NLGN1: variants seen among roughly 807,000 people sequenced by gnomAD.
NLGN1 encodes the protein neuroligin-1.
NLGN1 carries 12 observed loss-of-function variants against 65.5 expected under a neutral mutation model. That is an observed-to-expected ratio of 0.18 (90% CI 0.12 to 0.30). NLGN1 has a LOEUF of 0.30. Ranked by LOEUF, NLGN1 falls within the 10% of genes least tolerant of loss-of-function variation. NLGN1 has a pLI of 1.00. For synonymous variants in NLGN1, 350 were observed against 359.5 expected, an observed-to-expected ratio of 0.97 and a Z score of 0.30; for missense variants, 750 against 1,007.1, an observed-to-expected ratio of 0.74 and a Z score of 3.46.
At chr3:174,174,750 A>C (rs1055732133) in intron 4 of NLGN1, among the ~76,000 whole-genome samples, 4 of 151,372 alleles carry the variant, frequency 2.6e-5, no homozygotes, top group African/African-American at 4.9e-5. Context: ...GGTTATTTAA[A>C]GTTTTCTCTT....
intron 2 of NLGN1, among the ~76,000 whole-genome samples, chr3:173,481,996 C>A (rs903591490): frequency 6.6e-6 from 1 of 151,734 alleles, no homozygotes; most frequent in Admixed American, 6.6e-5. Flanking sequence ...TTGCTGAGGT[C>A]TTTTATCATT....
intron 2 of NLGN1, among the ~76,000 whole-genome samples, chr3:173,459,690 A>G (rs1438871441): frequency 6.6e-6 from 1 of 152,130 alleles, no homozygotes; most frequent in Non-Finnish European, 1.5e-5. Context: ...GCAAAATAAA[A>G]CTATTGCCAT....
intron 3 of NLGN1, among the ~76,000 whole-genome samples, chr3:173,607,070 A>G (rs1044800964): frequency 6.6e-6 from 1 of 151,998 alleles, no homozygotes; most frequent in Non-Finnish European, 1.5e-5. Flanking sequence ...AAAAACATGT[A>G]TGATGAAGAA....
intron 1 of NLGN1, among the ~76,000 whole-genome samples, chr3:173,401,800 A>T (rs1180876699): frequency 6.6e-6 from 1 of 152,224 alleles, no homozygotes; most frequent in African/African-American, 2.4e-5. Context: ...AAGGAGAAAG[A>T]GTAAACACAA....
At chr3:173,422,917 C>T (rs1715371101) in intron 1 of NLGN1, among the ~76,000 whole-genome samples, 1 of 152,176 alleles carries the variant, frequency 6.6e-6, no homozygotes, top group Admixed American at 6.5e-5. Flanking sequence ...CATTCTCACA[C>T]TGCTATAAAG....
At chr3:173,732,292 A>AC (rs1207330007) in intron 3 of NLGN1, among the ~76,000 whole-genome samples, 2 of 152,162 alleles carry the variant, frequency 1.3e-5, no homozygotes, top group African/African-American at 4.8e-5. Context: ...TGTGAGGCTT[A>AC]CATTGAAAAG....
chr3:174,143,633 G>C (rs1033719676), intron 4 of NLGN1, among the ~76,000 whole-genome samples: 10 of 151,922 alleles, frequency 6.6e-5, no homozygotes, highest in African/African-American at 2.2e-4. Flanking sequence ...GAGATTTGGT[G>C]GGGGGGTATA....
At chr3:173,755,575 G>A (rs1459566051) in intron 3 of NLGN1, among the ~76,000 whole-genome samples, 2 of 152,138 alleles carry the variant, frequency 1.3e-5, no homozygotes, top group Non-Finnish European at 2.9e-5. Context: ...CACTAGGGCT[G>A]CCTTTGGAGA....
chr3:173,727,779 T>A (rs1772047869), intron 3 of NLGN1, among the ~76,000 whole-genome samples: 1 of 152,094 alleles, frequency 6.6e-6, no homozygotes, highest in South Asian at 2.1e-4. Context: ...ACTTTTGAAA[T>A]GAAGGCAGAA....
At chr3:173,928,599 G>A (rs1313979747) in intron 4 of NLGN1, among the ~76,000 whole-genome samples, 17 of 151,762 alleles carry the variant, frequency 1.1e-4, no homozygotes, top group Non-Finnish European at 2.5e-4. Context: ...TTTGTATTTG[G>A]TATGAGGTCT....
rs181028538 is a variant in NLGN1 at position 173,683,559 on chromosome 3, C to A, written c.493+78468C>A. On this transcript the variant is annotated intron_variant, in intron 3 of 6. Transcript: ENST00000457714. The stretch of plus-strand genomic sequence containing the variant: ...AGTAACTCAAAATATGGTTTTTTTA[C>A]CCTCTTTCTCTCATTCCCTATTCCC... Among the ~76,000 whole-genome samples the A allele has an allele frequency of 3.3e-3, 504 of 152,172 alleles. 3 individuals carry two copies. The highest frequency in any genetic ancestry group is 0.01 in the Middle Eastern group (3 of 294).
At chr3:174,159,053 C>T (rs1245267994) in intron 4 of NLGN1, among the ~76,000 whole-genome samples, 1 of 151,678 alleles carries the variant, frequency 6.6e-6, no homozygotes, top group Non-Finnish European at 1.5e-5. Context: ...GAATTCTTTA[C>T]TGAGTAACTC....
At chr3:173,896,891 C>T (rs1736444097) in intron 4 of NLGN1, among the ~76,000 whole-genome samples, 3 of 152,150 alleles carry the variant, frequency 2.0e-5, no homozygotes, top group Admixed American at 2.0e-4. Flanking sequence ...CCTTGCCACA[C>T]TCATTGTTCC....
intron 4 of NLGN1, among the ~76,000 whole-genome samples, chr3:174,251,553 A>C (rs1223196295): frequency 6.6e-6 from 1 of 152,162 alleles, no homozygotes; most frequent in Non-Finnish European, 1.5e-5. Context: ...CTTTCCTCTT[A>C]GATAAGCTTG....
chr3:173,508,227 T>C (rs542626966), intron 2 of NLGN1, among the ~76,000 whole-genome samples: 3 of 152,332 alleles, frequency 2.0e-5, no homozygotes, highest in Non-Finnish European at 4.4e-5. Context: ...ATGTTAGTGT[T>C]ATGATTAGCA....
In NLGN1 at chr3:173,487,634, C is replaced by G. The variant is rs531717104; in HGVS notation, c.-321+52556C>G. On this transcript the variant is annotated intron_variant, in intron 2 of 6. Transcript: ENST00000457714. ...TTCAAGTTATTTATGTATTTTGCAACAATATTGTTAAGGAAATACAGGTGA... is the reference window on the plus strand; with the variant it reads ...TTCAAGTTATTTATGTATTTTGCAAGAATATTGTTAAGGAAATACAGGTGA... 1.3e-3 allele frequency among the ~76,000 whole-genome samples: 192 copies of G among 151,998 alleles called. 1 individual carries two copies. Among genetic ancestry groups the G allele is most frequent in the African/African-American group, 4.4e-3 (184 of 41,510 alleles).
intron 4 of NLGN1, among the ~76,000 whole-genome samples, chr3:173,918,476 T>A (rs1741193177): frequency 6.6e-6 from 1 of 151,646 alleles, no homozygotes; most frequent in African/African-American, 2.4e-5. Context: ...CTACTAAAAA[T>A]ACAAAGATTA....
At chr3:173,492,289 A>G (rs940030460) in intron 2 of NLGN1, among the ~76,000 whole-genome samples, 3 of 151,856 alleles carry the variant, frequency 2.0e-5, no homozygotes, top group African/African-American at 7.3e-5. Flanking sequence ...TCTGCATTCG[A>G]TAATACCTCT....
chr3:174,145,842 A>C (rs1723127424), intron 4 of NLGN1, among the ~76,000 whole-genome samples: 1 of 152,232 alleles, frequency 6.6e-6, no homozygotes, highest in African/African-American at 2.4e-5. Flanking sequence ...CTAAAATATC[A>C]ACAAAACTTA....
Sources: gnomAD v4.1 joint callset for allele counts (sites outside exome capture counted in the v4.1 genomes callset) on GRCh38, gnomAD v4.1.1 for gene constraint, MANE v1.5 for transcripts, NCBI Gene and HGNC (gene_info 2026-07-23, HGNC 2026-07-21) for gene names.